The following XKR4 variants were observed in gnomAD, a reference collection of about 807,000 sequenced individuals.
XKR4 encodes XK related 4, also known as XK-related protein 4.
XKR4 carries 12 observed loss-of-function variants against 53.9 expected under a neutral mutation model. The observed-to-expected ratio is 0.22, with a 90% CI of 0.14 to 0.36. The LOEUF (loss-of-function observed/expected upper bound fraction) is 0.36. Ranked by LOEUF, XKR4 falls within the 10% of genes least tolerant of loss-of-function variation. The pLI is 1.00. For synonymous variants in XKR4, 354 were observed against 362.4 expected, an observed-to-expected ratio of 0.98 and a Z score of 0.26; for missense variants, 799 against 859.5, an observed-to-expected ratio of 0.93 and a Z score of 0.88.
intron 1 of XKR4, among the ~76,000 whole-genome samples, chr8:55,105,800 T>C (rs1043645005): frequency 6.6e-6 from 1 of 152,182 alleles, no homozygotes; most frequent in Non-Finnish European, 1.5e-5. Context: ...TGTAGGAAGT[T>C]GGAAAGGGAT....
At chr8:55,439,618 A>G (rs1805236417) in intron 2 of XKR4, among the ~76,000 whole-genome samples, 3 of 152,072 alleles carry the variant, frequency 2.0e-5, no homozygotes, top group Non-Finnish European at 4.4e-5. Context: ...CAGATTAGAT[A>G]TAGCCAAAGA....
intron 1 of XKR4, among the ~76,000 whole-genome samples, chr8:55,133,890 A>G (rs1816589422): frequency 6.6e-6 from 1 of 152,202 alleles, no homozygotes; most frequent in Non-Finnish European, 1.5e-5. Flanking sequence ...AAATACAGCA[A>G]AGTTAATATT....
At chr8:55,260,847 G>T (rs189980101) in intron 1 of XKR4, among the ~76,000 whole-genome samples, 1 of 152,190 alleles carries the variant, frequency 6.6e-6, no homozygotes, top group Non-Finnish European at 1.5e-5. Flanking sequence ...AGATGGAGCC[G>T]CCATTTTGAA....
chr8:55,240,540 G>C (rs1012377726), intron 1 of XKR4, among the ~76,000 whole-genome samples: 4 of 146,752 alleles, frequency 2.7e-5, no homozygotes, highest in Admixed American at 6.7e-5. Context: ...TGGAATGGGA[G>C]ATTAAAACTT....
intron 1 of XKR4, among the ~76,000 whole-genome samples, chr8:55,229,681 G>C (rs932821280): frequency 2.0e-5 from 3 of 152,002 alleles, no homozygotes; most frequent in Admixed American, 6.5e-5. Context: ...ATGTATTACT[G>C]TCTCCAGTCC....
intron 1 of XKR4, among the ~76,000 whole-genome samples, chr8:55,304,609 C>T (rs1250683715): frequency 1.3e-5 from 2 of 152,022 alleles, no homozygotes; most frequent in Non-Finnish European, 2.9e-5. Context: ...TTAAAGTCTC[C>T]CATTATTATT....
At chr8:55,373,186 A>C (rs963315891) in intron 2 of XKR4, among the ~76,000 whole-genome samples, 3 of 152,164 alleles carry the variant, frequency 2.0e-5, no homozygotes, top group Non-Finnish European at 4.4e-5. Context: ...GGTTTTTTTT[A>C]GATGGAGACT....
chr8:55,206,917 C>T (rs886385247), intron 1 of XKR4, among the ~76,000 whole-genome samples: 1 of 152,210 alleles, frequency 6.6e-6, no homozygotes, highest in South Asian at 2.1e-4. Context: ...ATTGGAAACC[C>T]TCTCATTCAG....
chr8:55,328,439 T>C (rs1272773592), intron 1 of XKR4, among the ~76,000 whole-genome samples: 1 of 152,220 alleles, frequency 6.6e-6, no homozygotes, highest in African/African-American at 2.4e-5. Context: ...TGTCTTGAGA[T>C]GCATCTCCTC....
At position 55,120,840 on chromosome 8, in the gene XKR4, C is replaced by G. The variant is rs952313147; in HGVS notation, c.806+17546C>G. On this transcript the variant is annotated intron_variant, in intron 1 of 2. Coordinates refer to ENST00000327381, the MANE Select transcript of XKR4 (RefSeq NM_052898.2). ...TATCATACAGAATAGTTTCATTGTC[C>G]GAAACCTTCCTTGTGCTCTGCCTAA... is the stretch of plus-strand genomic sequence containing the variant. Among the ~76,000 whole-genome samples, 5 of 152,208 alleles carry G rather than the reference C, an allele frequency of 3.3e-5. No homozygotes were observed. In the South Asian group the frequency reaches 6.2e-4, roughly 19 times the overall value.
chr8:55,191,943 G>A (rs985105926), intron 1 of XKR4, among the ~76,000 whole-genome samples: 28 of 151,168 alleles, frequency 1.9e-4, no homozygotes, highest in Admixed American at 1.6e-3. Flanking sequence ...CTTTCTTATC[G>A]TTTGTGATGA....
At chr8:55,167,629 T>G (rs190126267) in intron 1 of XKR4, among the ~76,000 whole-genome samples, 21 of 152,156 alleles carry the variant, frequency 1.4e-4, no homozygotes, top group Non-Finnish European at 2.8e-4. Context: ...ATATAACCAC[T>G]GAGATTCAGT....
At chr8:55,449,283 C>T (rs1236226947) in intron 2 of XKR4, among the ~76,000 whole-genome samples, 1 of 152,184 alleles carries the variant, frequency 6.6e-6, no homozygotes, top group Non-Finnish European at 1.5e-5. Context: ...GCGGGCTGTA[C>T]TTTGGCCACC....
intron 2 of XKR4, among the ~76,000 whole-genome samples, chr8:55,429,689 A>G (rs565493131): frequency 3.3e-5 from 5 of 152,180 alleles, no homozygotes; most frequent in African/African-American, 1.2e-4. Flanking sequence ...AGAGCACAGC[A>G]CTGCATTTCA....
rs73682917 is a variant in XKR4 at position 55,233,008 on chromosome 8, A to G, written c.807-124670A>G. On this transcript the variant is annotated intron_variant, in intron 1 of 2. Transcript: ENST00000327381. The stretch of plus-strand genomic sequence containing the variant: ...CCCACTGTAAGTGGGCATGGACTAG[A>G]ATGAAGGATGGTGTATCTGCGTGGG... Among the ~76,000 whole-genome samples, 760 of 152,300 alleles carry G rather than the reference A, an allele frequency of 5.0e-3. 5 individuals carry two copies. Among genetic ancestry groups the G allele is most frequent in the African/African-American group, 0.017 (697 of 41,558 alleles).
In XKR4 at chr8:55,540,676, C is replaced by CA. The variant is rs1225286529; in HGVS notation, c.*16452dup. 6.6e-6 allele frequency: 1 copy of CA among 152,140 alleles called. No individual in the cohort carries two copies. The highest frequency in any genetic ancestry group is 2.4e-5 in the African/African-American group (1 of 41,420). The allele number at this position is 152,140 out of a possible 1,614,324, so 9.4% of individuals were successfully genotyped here. On this transcript the variant is annotated 3_prime_UTR_variant, in exon 3 of 3. Coordinates refer to ENST00000327381, the MANE Select transcript of XKR4 (RefSeq NM_052898.2). Reference sequence around the variant, plus strand: ...CAGAGGTTTCTTCTCTCTTTGAAACCAAATAGCACGCTGAATTTAGGGCTA... The same window carrying CA: ...CAGAGGTTTCTTCTCTCTTTGAAACCAAAATAGCACGCTGAATTTAGGGCTA...
intron 2 of XKR4, among the ~76,000 whole-genome samples, chr8:55,471,071 C>T (rs1805874359): frequency 6.6e-6 from 1 of 152,042 alleles, no homozygotes; most frequent in African/African-American, 2.4e-5. Flanking sequence ...TAGCCACTAG[C>T]CACATTGAAA....
chr8:55,410,552 A>G (rs1468411292), intron 2 of XKR4, among the ~76,000 whole-genome samples: 1 of 152,164 alleles, frequency 6.6e-6, no homozygotes, highest in Non-Finnish European at 1.5e-5. Context: ...GCTAGTAACC[A>G]GGGCCCTTTG....
intron 1 of XKR4, chr8:55,140,049 A>T (rs1487440729): frequency 6.3e-6 from 2 of 317,650 alleles, no homozygotes; most frequent in Non-Finnish European, 1.2e-5. Context: ...ACTGAGAAAG[A>T]TTCTCATCCT....
Sources: gnomAD v4.1 joint callset for allele counts (sites outside exome capture counted in the v4.1 genomes callset) on GRCh38, gnomAD v4.1.1 for gene constraint, MANE v1.5 for transcripts, NCBI Gene and HGNC (gene_info 2026-07-23, HGNC 2026-07-21) for gene names.